SGCZ: variants seen among roughly 807,000 people sequenced by gnomAD.
SGCZ encodes sarcoglycan zeta.
In SGCZ, 40 loss-of-function variants were observed where a neutral mutation model predicts 41.3. That is an observed-to-expected ratio of 0.97 (90% CI 0.75 to 1.26). SGCZ has a LOEUF of 1.26. Among genes scored for constraint, SGCZ ranks in the 50% most tolerant of loss-of-function variants. The pLI, the probability that SGCZ is intolerant of heterozygous loss-of-function variation, is 0.00. For synonymous variants in SGCZ, 206 were observed against 137.5 expected, an observed-to-expected ratio of 1.50 and a Z score of -3.49; for missense variants, 552 against 369.8, an observed-to-expected ratio of 1.49 and a Z score of -4.04.
chr8:14,986,450 A>G (rs1308389365), intron 1 of SGCZ, among the ~76,000 whole-genome samples: 3 of 152,080 alleles, frequency 2.0e-5, no homozygotes, highest in African/African-American at 7.2e-5. Context: ...TAGCTTTGAG[A>G]TTTTTGGTTA....
intron 1 of SGCZ, among the ~76,000 whole-genome samples, chr8:15,048,502 G>C (rs1350083318): frequency 6.6e-6 from 1 of 152,026 alleles, no homozygotes; most frequent in African/African-American, 2.4e-5. Flanking sequence ...CTAACACAAA[G>C]AAATGATACA....
rs190355904 is a variant in SGCZ at position 14,843,092 on chromosome 8, A to G, written c.40-288166T>C. Among the ~76,000 whole-genome samples the G allele has an allele frequency of 4.3e-3, 652 of 152,220 alleles. 4 individuals are homozygous for G. The highest frequency in any genetic ancestry group is 0.018 in the South Asian group (86 of 4,826). ...CTGGGTGTGGTGGCATGCACCTGTAATCCCAGCTACTTGGAAGGCTGAGGC... is the reference window on the plus strand; with the variant it reads ...CTGGGTGTGGTGGCATGCACCTGTAGTCCCAGCTACTTGGAAGGCTGAGGC... On this transcript the variant is annotated intron_variant, in intron 1 of 7. Transcript: ENST00000382080.
At chr8:14,915,995 T>A (rs1196410150) in intron 1 of SGCZ, among the ~76,000 whole-genome samples, 2 of 152,202 alleles carry the variant, frequency 1.3e-5, no homozygotes, top group Non-Finnish European at 2.9e-5. Context: ...TTGTTGGGAC[T>A]TTTAAAAATT....
chr8:14,709,337 C>G (rs1809440052), intron 1 of SGCZ, among the ~76,000 whole-genome samples: 1 of 152,050 alleles, frequency 6.6e-6, no homozygotes, highest in South Asian at 2.1e-4. Flanking sequence ...AGCTACATGC[C>G]CCACCTCATT....
intron 1 of SGCZ, among the ~76,000 whole-genome samples, chr8:14,750,104 A>G (rs1799452825): frequency 6.6e-6 from 1 of 152,168 alleles, no homozygotes; most frequent in Non-Finnish European, 1.5e-5. Context: ...TAATAATCCA[A>G]GTGTCTATTT....
At chr8:14,949,876 A>G (rs911117205) in intron 1 of SGCZ, among the ~76,000 whole-genome samples, 3 of 152,084 alleles carry the variant, frequency 2.0e-5, no homozygotes, top group Admixed American at 6.6e-5. Context: ...CCAAAGTATA[A>G]AAGAGTTTGG....
At chr8:14,773,587 A>G (rs73531189) in intron 1 of SGCZ, among the ~76,000 whole-genome samples, 10,307 of 152,290 alleles carry the variant, frequency 0.068, 748 homozygotes, top group African/African-American at 0.18. Context: ...GCTGTGACAC[A>G]GTAATTCTTT....
intron 2 of SGCZ, among the ~76,000 whole-genome samples, chr8:14,509,032 C>G (rs1165258341): frequency 6.6e-6 from 1 of 152,112 alleles, no homozygotes; most frequent in African/African-American, 2.4e-5. Context: ...CTTTCAAACA[C>G]TCTGAAACAT....
intron 1 of SGCZ, among the ~76,000 whole-genome samples, chr8:14,807,126 C>T (rs1415407861): frequency 6.6e-6 from 1 of 151,548 alleles, no homozygotes; most frequent in African/African-American, 2.4e-5. Flanking sequence ...CAATATCATA[C>T]TGAATGGGCA....
intron 4 of SGCZ, among the ~76,000 whole-genome samples, chr8:14,200,322 A>T (rs1805413069): frequency 6.6e-6 from 1 of 152,208 alleles, no homozygotes. Context: ...CTCAATAAAA[A>T]TCCCAACATA....
chr8:14,425,811 T>C (rs886380958), intron 2 of SGCZ, among the ~76,000 whole-genome samples: 3 of 151,926 alleles, frequency 2.0e-5, no homozygotes, highest in African/African-American at 7.3e-5. Flanking sequence ...CCCAAGCTAA[T>C]AAAATGTCAG....
intron 1 of SGCZ, among the ~76,000 whole-genome samples, chr8:15,068,962 T>G (rs2131024586): frequency 6.6e-6 from 1 of 152,294 alleles, no homozygotes; most frequent in South Asian, 2.1e-4. Flanking sequence ...CATTTATTCT[T>G]TAAAAACAGT....
intron 1 of SGCZ, among the ~76,000 whole-genome samples, chr8:14,656,582 TC>T (rs1454403964): frequency 7.4e-6 from 1 of 135,530 alleles, no homozygotes; most frequent in Non-Finnish European, 1.6e-5. Flanking sequence ...CTGCTTCTTT[TC>T]TTCTCTTCTC....
intron 5 of SGCZ, among the ~76,000 whole-genome samples, chr8:14,116,406 G>A (rs186459923): frequency 6.6e-6 from 1 of 151,782 alleles, no homozygotes; most frequent in Non-Finnish European, 1.5e-5. Context: ...CAATTTTTTT[G>A]GGTCTCTCTG....
chr8:14,810,953 G>T (rs1241115909), intron 1 of SGCZ, among the ~76,000 whole-genome samples: 2 of 151,902 alleles, frequency 1.3e-5, no homozygotes, highest in African/African-American at 4.8e-5. Context: ...AATTTTAAAA[G>T]GATGTCAGTA....
chr8:14,703,266 C>T (rs575399484), intron 1 of SGCZ, among the ~76,000 whole-genome samples: 2 of 151,914 alleles, frequency 1.3e-5, no homozygotes, highest in South Asian at 4.1e-4. Context: ...CCGTCAACCC[C>T]TTTGCTCACT....
chr8:15,138,572 T>TA (rs1808202661), intron 1 of SGCZ, among the ~76,000 whole-genome samples: 1 of 152,130 alleles, frequency 6.6e-6, no homozygotes. Flanking sequence ...GTTCTCATGA[T>TA]AAAGAGTGTT....
intron 1 of SGCZ, among the ~76,000 whole-genome samples, chr8:15,032,508 TG>T (rs1219989395): frequency 6.6e-6 from 1 of 152,082 alleles, no homozygotes; most frequent in East Asian, 1.9e-4. Flanking sequence ...GATGCCAGGC[TG>T]GGACTTATGG....
intron 1 of SGCZ, among the ~76,000 whole-genome samples, chr8:14,679,450 A>C (rs986346883): frequency 5.9e-5 from 9 of 151,718 alleles, no homozygotes; most frequent in African/African-American, 2.2e-4. Context: ...GGCCCAAACT[A>C]ATATGTGTGT....
Sources: gnomAD v4.1 joint callset for allele counts (sites outside exome capture counted in the v4.1 genomes callset) on GRCh38, gnomAD v4.1.1 for gene constraint, MANE v1.5 for transcripts, NCBI Gene and HGNC (gene_info 2026-07-23, HGNC 2026-07-21) for gene names.